CALU: variants seen among roughly 807,000 people sequenced by gnomAD.
CALU encodes the protein IEF SSP 9302.
CALU carries 13 observed loss-of-function variants against 37.5 expected under a neutral mutation model. The observed-to-expected ratio is 0.35, with a 90% CI of 0.23 to 0.55. The LOEUF (loss-of-function observed/expected upper bound fraction) is 0.55, where lower values mean the gene tolerates loss of function less well. Ranked by LOEUF, CALU falls within the 20% of genes least tolerant of loss-of-function variation. The probability of loss-of-function intolerance (pLI) is 0.89; values close to 1 mark genes in which losing one functional copy is unlikely to be tolerated. For missense variants in CALU, 282 were observed against 391.7 expected (o/e 0.72, Z 2.36); for synonymous variants, 114 against 133.8 (o/e 0.85, Z 1.02).
intron 3 of CALU, among the ~76,000 whole-genome samples, chr7:128,757,382 T>TGTGC (rs1443878870): frequency 6.6e-6 from 1 of 151,998 alleles, no homozygotes; most frequent in African/African-American, 2.4e-5. Context: ...TGTGTGTGTG[T>TGTGC]GTGTGTGTGT....
intron 4 of CALU, 63 bp from the exon 5 acceptor site, chr7:128,759,724 ATACTT>A (rs1801027817): frequency 2.4e-6 from 2 of 821,730 alleles, no homozygotes; most frequent in Admixed American, 1.8e-5. Flanking sequence ...CCTAAACTAG[ATACTT>A]TACTTTCTTC....
intron 1 of CALU, chr7:128,748,051 G>A (rs1238750709): frequency 4.0e-6 from 1 of 249,738 alleles, no homozygotes; most frequent in Non-Finnish European, 7.6e-6. Context: ...CTAATCTCAT[G>A]AACATCAGAA....
At chr7:128,741,762 C>A (rs73236092) in intron 1 of CALU, among the ~76,000 whole-genome samples, 7,421 of 152,280 alleles carry the variant, frequency 0.049, 254 homozygotes, top group Non-Finnish European at 0.068. Context: ...GCTCCTATCC[C>A]TACATTTCAA....
Position 128,770,334 on chromosome 7 carries a change from GTTCTTATC to G in CALU, c.*1170_*1177del, listed in dbSNP as rs975954021. On this transcript the variant is annotated 3_prime_UTR_variant, in exon 7 of 7. Coordinates refer to ENST00000249364, the MANE Select transcript of CALU (RefSeq NM_001219.5). Reference sequence around the variant, plus strand: ...TATTAGTTATGAGTTTGGTTGCAGTGTTCTTATCTTGTGGGCTGATTTCCAAAAACCAC... The same window carrying G: ...TATTAGTTATGAGTTTGGTTGCAGTGTTGTGGGCTGATTTCCAAAAACCAC... The G allele has an allele frequency of 3.3e-5, 5 of 152,580 alleles. No homozygotes were observed. Among genetic ancestry groups the G allele is most frequent in the Non-Finnish European group, 5.9e-5 (4 of 68,018 alleles). 9.5% of individuals were successfully genotyped at this position (152,580 alleles called of 1,614,324 possible).
intron 1 of CALU, among the ~76,000 whole-genome samples, chr7:128,742,140 A>G (rs1042390031): frequency 2.6e-5 from 4 of 152,242 alleles, no homozygotes; most frequent in Non-Finnish European, 4.4e-5. Context: ...ATCATGAAGG[A>G]TGCCATCACT....
intron 2 of CALU, among the ~76,000 whole-genome samples, chr7:128,749,647 A>G (rs1047570574): frequency 7.2e-5 from 11 of 152,240 alleles, no homozygotes; most frequent in African/African-American, 2.4e-4. Flanking sequence ...CTTGATGGGT[A>G]GCATTTTGAT....
chr7:128,753,338 G>C (rs1800748518), intron 2 of CALU, among the ~76,000 whole-genome samples: 1 of 152,310 alleles, frequency 6.6e-6, no homozygotes, highest in African/African-American at 2.4e-5. Context: ...CTGCTTACTT[G>C]GGTGACATTA....
intron 1 of CALU, among the ~76,000 whole-genome samples, chr7:128,743,531 T>C (rs974190382): frequency 2.7e-5 from 4 of 150,838 alleles, no homozygotes; most frequent in Non-Finnish European, 5.9e-5. Context: ...TTTTTCTTTT[T>C]CTTTTTTTGA....
chr7:128,740,879 A>G lies in CALU; in HGVS notation c.-12+1447A>G, dbSNP rs565689025. ...ATCCATTAGAGCAGTATTGGGATCTATATATTGGTGTTATTTTTTAAAATT... is the reference window on the plus strand; with the variant it reads ...ATCCATTAGAGCAGTATTGGGATCTGTATATTGGTGTTATTTTTTAAAATT... On this transcript the variant is annotated intron_variant, in intron 1 of 6. Coordinates refer to ENST00000249364, the MANE Select transcript of CALU (RefSeq NM_001219.5). Among the ~76,000 whole-genome samples, 26 of 152,338 alleles carry G rather than the reference A, an allele frequency of 1.7e-4. 1 individual carries two copies. The highest frequency in any genetic ancestry group is 6.3e-4 in the African/African-American group (26 of 41,580).
rs1801504245 is a variant in CALU at position 128,770,182 on chromosome 7, C to A, written c.*1015C>A. On this transcript the variant is annotated 3_prime_UTR_variant, in exon 7 of 7. Coordinates refer to ENST00000249364, the MANE Select transcript of CALU (RefSeq NM_001219.5). ...AAGAAATGGTCACTGAATGGGAATT[C>A]TCTTAAGAAACCCTGAGATTAAAAA... is the stretch of plus-strand genomic sequence containing the variant. 1.3e-5 allele frequency: 2 copies of A among 152,556 alleles called. No individual in the cohort carries two copies. Among genetic ancestry groups the A allele is most frequent in the African/African-American group, 4.8e-5 (2 of 41,422 alleles). The allele number at this position is 152,556 out of a possible 1,614,324, so 9.5% of individuals were successfully genotyped here. A position where few individuals can be genotyped will look rare whatever the true frequency, so the allele number is the denominator to read the frequency against.
chr7:128,766,425 C>CTTTTTTTTTTTTTTTTTTTT (rs11288081), intron 5 of CALU, among the ~76,000 whole-genome samples: 1 of 95,010 alleles, frequency 1.1e-5, no homozygotes, highest in African/African-American at 4.4e-5. Flanking sequence ...ATTTCTTTTT[C>CTTTTTTTTTTTTTTTTTTTT]TTTTTTTTTT....
At chr7:128,754,162 ATT>A in intron 2 of CALU, 98 bp from the exon 3 acceptor site, 1 of 925,584 alleles carries the variant, frequency 1.1e-6, no homozygotes, top group Non-Finnish European at 1.6e-6. Flanking sequence ...TTTGGAGACA[ATT>A]TTTTATTTCT....
At chr7:128,754,128 C>T in intron 2 of CALU, 134 bp from the exon 3 acceptor site, 7 of 650,138 alleles carry the variant, frequency 1.1e-5, no homozygotes, top group Admixed American at 3.0e-5. Flanking sequence ...CCATTTTTTT[C>T]AGTTGCTGGC....
chr7:128,753,110 T>C (rs909787139), intron 2 of CALU, among the ~76,000 whole-genome samples: 3 of 152,260 alleles, frequency 2.0e-5, no homozygotes, highest in Non-Finnish European at 4.4e-5. Flanking sequence ...TAACACCTGA[T>C]CTGTATCAAA....
At position 128,757,358 on chromosome 7, in the gene CALU, A is replaced by AGTGTGTGTGTGTGT. The variant is rs10638444; in HGVS notation, c.416-1492_416-1479dup. On this transcript the variant is annotated intron_variant, in intron 3 of 6. Transcript: ENST00000249364. ...TCCATCTCAACCTATTATGGCTTTG[A>AGTGTGTGTGTGTGT]GTGTGTGTGTGTGTGTGTGTGTGTG... 2.6e-3 allele frequency among the ~76,000 whole-genome samples: 382 copies of AGTGTGTGTGTGTGT among 146,180 alleles called. 4 individuals are homozygous for AGTGTGTGTGTGTGT. Among genetic ancestry groups the AGTGTGTGTGTGTGT allele is most frequent in the African/African-American group, 8.4e-3 (335 of 39,704 alleles).
At chr7:128,740,593 A>G (rs1465308720) in intron 1 of CALU, among the ~76,000 whole-genome samples, 1 of 124,974 alleles carries the variant, frequency 8.0e-6, no homozygotes, top group Non-Finnish European at 1.6e-5. Flanking sequence ...ATAACCTCTA[A>G]GTTGTATTTG....
intron 1 of CALU, among the ~76,000 whole-genome samples, chr7:128,743,955 C>T (rs551588943): frequency 7.2e-5 from 11 of 152,182 alleles, no homozygotes; most frequent in South Asian, 6.2e-4. Flanking sequence ...CCTGTAATCC[C>T]GACACTTTGG....
At chr7:128,747,812 A>G (rs1010915676) in intron 1 of CALU, 1 of 152,290 alleles carries the variant, frequency 6.6e-6, no homozygotes, top group Non-Finnish European at 1.5e-5. Flanking sequence ...GACTACAGAG[A>G]TTCTGAAAGT....
intron 6 of CALU, 35 bp from the exon 7 acceptor site, chr7:128,769,028 G>A (rs754566006): frequency 8.4e-7 from 1 of 1,194,562 alleles, no homozygotes; most frequent in African/African-American, 1.5e-5. Context: ...TGGGAAATAT[G>A]TTCTTCTTCA....
Sources: allele counts gnomAD v4.1 joint callset (sites outside exome capture counted in the v4.1 genomes callset), GRCh38; gene constraint gnomAD v4.1.1; transcripts MANE v1.5; gene names NCBI Gene and HGNC (gene_info 2026-07-23, HGNC 2026-07-21).